Variants in KCNH5 observed in about 807,000 individuals in gnomAD.
KCNH5 encodes the protein voltage-gated delayed rectifier potassium channel KCNH5.
KCNH5 carries 46 observed loss-of-function variants against 96.1 expected under a neutral mutation model. The observed-to-expected ratio is 0.48, with a 90% CI of 0.38 to 0.61. KCNH5 has a LOEUF of 0.61. KCNH5 is among the 20% of genes least tolerant of loss of function. The pLI is 0.00. For missense variants in KCNH5, 907 were observed against 1,225.8 expected, an observed-to-expected ratio of 0.74 and a Z score of 3.88; for synonymous variants, 439 against 449.8, an observed-to-expected ratio of 0.98 and a Z score of 0.30.
At chr14:62,809,420 C>G (rs1827008406) in intron 8 of KCNH5, among the ~76,000 whole-genome samples, 2 of 152,254 alleles carry the variant, frequency 1.3e-5, no homozygotes, top group Admixed American at 1.3e-4. Context: ...GAACTAGCCT[C>G]ATACCTTGCC....
chr14:63,038,452 T>C (rs1891763560), intron 1 of KCNH5, among the ~76,000 whole-genome samples: 1 of 152,172 alleles, frequency 6.6e-6, no homozygotes, highest in Non-Finnish European at 1.5e-5. Flanking sequence ...TTGAGATCCA[T>C]ATGACTTTGT....
At chr14:62,790,782 A>C (rs1886418009) in intron 9 of KCNH5, among the ~76,000 whole-genome samples, 1 of 151,636 alleles carries the variant, frequency 6.6e-6, no homozygotes, top group Admixed American at 6.6e-5. Flanking sequence ...CTAAGTCATT[A>C]TTTGCATATA....
chr14:62,797,221 C>T (rs936283852), intron 9 of KCNH5, among the ~76,000 whole-genome samples: 1 of 152,128 alleles, frequency 6.6e-6, no homozygotes, highest in Non-Finnish European at 1.5e-5. Flanking sequence ...ATTGTTAAAA[C>T]TCCTATTTTA....
At chr14:62,965,184 T>G (rs1890283219) in intron 6 of KCNH5, among the ~76,000 whole-genome samples, 2 of 152,120 alleles carry the variant, frequency 1.3e-5, no homozygotes, top group Admixed American at 1.3e-4. Context: ...ATGTCGTTGC[T>G]GTAGTTTGCA....
intron 10 of KCNH5, among the ~76,000 whole-genome samples, chr14:62,776,598 T>C (rs1440512511): frequency 6.6e-6 from 1 of 152,070 alleles, no homozygotes; most frequent in African/African-American, 2.4e-5. Flanking sequence ...AAAAGTTGAG[T>C]AGTTGAGATT....
chr14:63,033,859 C>T (rs1311760722), intron 1 of KCNH5, among the ~76,000 whole-genome samples: 1 of 151,930 alleles, frequency 6.6e-6, no homozygotes. Context: ...CAGATATTCC[C>T]CCGCTTTGAA....
intron 7 of KCNH5, among the ~76,000 whole-genome samples, chr14:62,864,587 T>G (rs1024396646): frequency 6.6e-6 from 1 of 152,186 alleles, no homozygotes; most frequent in Non-Finnish European, 1.5e-5. Context: ...CAGTCCAAAA[T>G]TTGCAAACTG....
chr14:62,928,459 A>C (rs574178989), intron 7 of KCNH5, among the ~76,000 whole-genome samples: 2 of 152,130 alleles, frequency 1.3e-5, no homozygotes, highest in African/African-American at 4.8e-5. Context: ...TAGCATTTAC[A>C]ATGAGCCAGG....
chr14:62,878,205 G>T (rs894330899), intron 7 of KCNH5, among the ~76,000 whole-genome samples: 9 of 146,160 alleles, frequency 6.2e-5, no homozygotes, highest in Non-Finnish European at 7.5e-5. Flanking sequence ...TGGGGATGGG[G>T]GGGGGGGCGG....
At chr14:62,918,033 T>C (rs919595429) in intron 7 of KCNH5, among the ~76,000 whole-genome samples, 6 of 152,164 alleles carry the variant, frequency 3.9e-5, no homozygotes, top group African/African-American at 1.2e-4. Flanking sequence ...ACTAAAACCA[T>C]GGCTTTGGCA....
At chr14:62,753,130 T>C (rs1885540211) in intron 10 of KCNH5, among the ~76,000 whole-genome samples, 1 of 152,242 alleles carries the variant, frequency 6.6e-6, no homozygotes, top group Non-Finnish European at 1.5e-5. Context: ...CAGAATTCTA[T>C]CAGATAAATT....
chr14:62,900,411 A>T (rs576813938), intron 7 of KCNH5, among the ~76,000 whole-genome samples: 11 of 152,358 alleles, frequency 7.2e-5, no homozygotes, highest in African/African-American at 2.6e-4. Context: ...CACAAGAAGA[A>T]TATATGGCAA....
intron 7 of KCNH5, among the ~76,000 whole-genome samples, chr14:62,893,315 T>C (rs779880713): frequency 6.6e-5 from 10 of 152,192 alleles, no homozygotes; most frequent in South Asian, 6.2e-4. Context: ...AACTGGAGCA[T>C]TTTAATTCTG....
intron 9 of KCNH5, among the ~76,000 whole-genome samples, chr14:62,789,922 TA>T (rs1886397235): frequency 6.6e-6 from 1 of 151,928 alleles, no homozygotes; most frequent in Admixed American, 6.6e-5. Context: ...CCTATTTATT[TA>T]TTTTTGCTTT....
Position 62,876,052 on chromosome 14 carries a change from A to T in KCNH5, c.1370-26200T>A, listed in dbSNP as rs372406783. The stretch of plus-strand genomic sequence containing the variant: ...CATGGTGGCATGTGCCTGTAATCCC[A>T]GCTACCTAGGAGGCTGAGGCAGGAG... On this transcript the variant is annotated intron_variant, in intron 7 of 10. Coordinates refer to ENST00000322893, the MANE Select transcript of KCNH5 (RefSeq NM_139318.5). Among the ~76,000 whole-genome samples, 65 of 152,338 alleles carry T rather than the reference A, an allele frequency of 4.3e-4. 3 individuals carry two copies. In the South Asian group the frequency reaches 8.3e-3, roughly 19 times the overall value.
At chr14:62,747,883 T>C (rs1363860299) in intron 10 of KCNH5, among the ~76,000 whole-genome samples, 1 of 152,150 alleles carries the variant, frequency 6.6e-6, no homozygotes, top group Non-Finnish European at 1.5e-5. Context: ...TTTGTGTTAA[T>C]AGGAGAAAAA....
At chr14:62,797,711 C>T (rs1055887821) in intron 9 of KCNH5, among the ~76,000 whole-genome samples, 2 of 150,198 alleles carry the variant, frequency 1.3e-5, no homozygotes, top group Non-Finnish European at 3.0e-5. Context: ...ATAATGCACA[C>T]GTTTATAATT....
intron 7 of KCNH5, among the ~76,000 whole-genome samples, chr14:62,853,458 T>TATATATATATATG (rs1555360131): frequency 3.2e-4 from 14 of 43,936 alleles, no homozygotes; most frequent in African/African-American, 6.3e-4. Context: ...AGAATAATCA[T>TATATATATATATG]ATATATATAT....
intron 4 of KCNH5, among the ~76,000 whole-genome samples, chr14:62,994,915 T>A (rs966242261): frequency 1.3e-5 from 2 of 152,144 alleles, no homozygotes; most frequent in Non-Finnish European, 2.9e-5. Context: ...TCCCTTTCGA[T>A]GGGTTTTGCA....
Sources: gnomAD v4.1 joint callset for allele counts (sites outside exome capture counted in the v4.1 genomes callset) on GRCh38, gnomAD v4.1.1 for gene constraint, MANE v1.5 for transcripts, NCBI Gene and HGNC (gene_info 2026-07-23, HGNC 2026-07-21) for gene names.